Variants in NPAS3 observed in about 807,000 individuals in gnomAD.
NPAS3 encodes neuronal PAS domain-containing protein 3.
Under a neutral mutation model 73.1 loss-of-function variants are expected in NPAS3, and 14 were observed. The ratio of observed to expected loss-of-function variants is 0.19; its 90% confidence interval spans 0.13 to 0.30. The LOEUF is 0.30. Ranked by LOEUF, NPAS3 falls within the 10% of genes least tolerant of loss-of-function variation. NPAS3 has a pLI of 1.00. For missense variants in NPAS3, 1,096 were observed against 1,250.0 expected (o/e 0.88, Z 1.86); for synonymous variants, 620 against 541.5 (o/e 1.14, Z -2.01).
chr14:33,252,044 C>CGT (rs1291923967), intron 3 of NPAS3, among the ~76,000 whole-genome samples: 2 of 106,942 alleles, frequency 1.9e-5, no homozygotes, highest in African/African-American at 3.7e-5. Context: ...TGGGTGTTTG[C>CGT]GTGTGTGTGT....
intron 5 of NPAS3, among the ~76,000 whole-genome samples, chr14:33,674,499 C>T (rs2059701046): frequency 6.6e-6 from 1 of 152,148 alleles, no homozygotes; most frequent in Admixed American, 6.5e-5. Flanking sequence ...TCAGTTTACC[C>T]ATTTATTACT....
chr14:33,581,603 C>T (rs1032955210), intron 5 of NPAS3, among the ~76,000 whole-genome samples: 2 of 152,136 alleles, frequency 1.3e-5, no homozygotes, highest in Admixed American at 6.5e-5. Flanking sequence ...CAGTGTCTCA[C>T]TCTGTCGCCC....
intron 6 of NPAS3, among the ~76,000 whole-genome samples, chr14:33,688,523 C>G (rs541268008): frequency 3.5e-4 from 54 of 152,204 alleles, no homozygotes; most frequent in Non-Finnish European, 5.4e-4. Flanking sequence ...CCACCCAATG[C>G]AAGCAGAGTC....
At chr14:33,022,516 G>T (rs59211741) in intron 1 of NPAS3, among the ~76,000 whole-genome samples, 39,587 of 151,486 alleles carry the variant, frequency 0.26, 5,309 homozygotes, top group Admixed American at 0.33. Flanking sequence ...ATACAAAAAA[G>T]TAGCTGGGCG....
intron 6 of NPAS3, among the ~76,000 whole-genome samples, chr14:33,679,427 T>C (rs1413232308): frequency 1.3e-5 from 2 of 152,232 alleles, no homozygotes; most frequent in East Asian, 3.8e-4. Flanking sequence ...CAAAGCTGCT[T>C]ATGTTTCTTA....
chr14:33,560,183 A>C (rs1490715786), exon 5 of NPAS3: 3 of 870,988 alleles, frequency 3.4e-6, no homozygotes, highest in Non-Finnish European at 6.0e-6. Context: ...TTTCCGAAAC[A>C]GTCTCCATCT....
intron 1 of NPAS3, among the ~76,000 whole-genome samples, chr14:32,989,521 G>A (rs1435274915): frequency 3.9e-5 from 6 of 152,116 alleles, no homozygotes; most frequent in Middle Eastern, 3.2e-3. Flanking sequence ...GCGGGCGCCT[G>A]TAGTCCCAGC....
At chr14:33,190,956 C>T (rs2139505483) in intron 2 of NPAS3, among the ~76,000 whole-genome samples, 1 of 152,298 alleles carries the variant, frequency 6.6e-6, no homozygotes, top group East Asian at 1.9e-4. Context: ...ATAATAGATG[C>T]TTATGGATTC....
intron 2 of NPAS3, among the ~76,000 whole-genome samples, chr14:33,109,810 C>CTTTTTTTTTTTT (rs67439887): frequency 1.2e-5 from 1 of 86,948 alleles, no homozygotes; most frequent in Non-Finnish European, 2.1e-5. Flanking sequence ...ATTTGCATGT[C>CTTTTTTTTTTTT]TTTTTTTTTT....
At chr14:32,999,822 T>C (rs2038738938) in intron 1 of NPAS3, among the ~76,000 whole-genome samples, 2 of 152,168 alleles carry the variant, frequency 1.3e-5, no homozygotes, top group Non-Finnish European at 2.9e-5. Context: ...TTCTGTTGCT[T>C]GTAATAAAAA....
intron 1 of NPAS3, among the ~76,000 whole-genome samples, chr14:33,023,351 A>G (rs954528267): frequency 7.9e-5 from 12 of 152,134 alleles, no homozygotes; most frequent in Non-Finnish European, 1.3e-4. Context: ...CTGACCCATG[A>G]CATCACTTTT....
intron 4 of NPAS3, among the ~76,000 whole-genome samples, chr14:33,542,237 C>T (rs1219337586): frequency 6.6e-6 from 1 of 152,186 alleles, no homozygotes; most frequent in Non-Finnish European, 1.5e-5. Context: ...CAGGGTCTTT[C>T]TCAAGCCATA....
At chr14:33,294,812 A>T (rs2042229722) in intron 3 of NPAS3, among the ~76,000 whole-genome samples, 1 of 152,202 alleles carries the variant, frequency 6.6e-6, no homozygotes, top group Non-Finnish European at 1.5e-5. Context: ...CAAACTGGAA[A>T]GTGAGGGAGA....
chr14:33,715,980 C>T (rs189521766), intron 6 of NPAS3, among the ~76,000 whole-genome samples: 9 of 152,212 alleles, frequency 5.9e-5, no homozygotes, highest in African/African-American at 2.2e-4. Context: ...GAGGCCTCCT[C>T]ATCCATGTGG....
chr14:33,004,781 T>C (rs1037344224), intron 1 of NPAS3, among the ~76,000 whole-genome samples: 2 of 150,768 alleles, frequency 1.3e-5, no homozygotes, highest in Non-Finnish European at 3.0e-5. Flanking sequence ...TCTTTATCTG[T>C]ATTCCATAAG....
chr14:33,183,030 C>A (rs925941830), intron 2 of NPAS3, among the ~76,000 whole-genome samples: 12 of 152,184 alleles, frequency 7.9e-5, no homozygotes, highest in African/African-American at 2.9e-4. Context: ...CTTCCTTGGA[C>A]TCTTGTCACG....
At chr14:33,619,942 T>C (rs2058032176) in intron 5 of NPAS3, among the ~76,000 whole-genome samples, 1 of 152,238 alleles carries the variant, frequency 6.6e-6, no homozygotes, top group South Asian at 2.1e-4. Context: ...CTGCCACGAT[T>C]CTCTGACTTT....
intron 3 of NPAS3, among the ~76,000 whole-genome samples, chr14:33,316,837 A>G (rs2043226185): frequency 6.6e-6 from 1 of 152,144 alleles, no homozygotes; most frequent in Non-Finnish European, 1.5e-5. Flanking sequence ...GTGAGCCAGA[A>G]TGGCAGGTAT....
At chr14:32,975,846 TTGG>T (rs1270508475) in intron 1 of NPAS3, among the ~76,000 whole-genome samples, 2 of 148,450 alleles carry the variant, frequency 1.3e-5, no homozygotes, top group East Asian at 2.0e-4. Flanking sequence ...TTTGTGATTG[TTGG>T]TGGTGAGGGG....
Sources: gnomAD v4.1 joint callset for allele counts (sites outside exome capture counted in the v4.1 genomes callset) on GRCh38, gnomAD v4.1.1 for gene constraint, MANE v1.5 for transcripts, NCBI Gene and HGNC (gene_info 2026-07-23, HGNC 2026-07-21) for gene names.